ABCA1: variants seen among roughly 807,000 people sequenced by gnomAD.
ABCA1 encodes ATP binding cassette subfamily A member 1, also known as phospholipid-transporting ATPase ABCA1.
Under a neutral mutation model 262.5 loss-of-function variants are expected in ABCA1, and 133 were observed. The observed-to-expected ratio is 0.51, with a 90% CI of 0.44 to 0.59. The LOEUF is 0.59. Ranked by LOEUF, ABCA1 falls within the 20% of genes least tolerant of loss-of-function variation. The pLI, the probability that ABCA1 is intolerant of heterozygous loss-of-function variation, is 0.00. For missense variants in ABCA1, 2,452 were observed against 2,777.5 expected (o/e 0.88, Z 2.63); for synonymous variants, 1,022 against 1,043.5 (o/e 0.98, Z 0.40).
In ABCA1 at chr9:104,831,085, G is replaced by A; in HGVS notation, c.1732C>T (p.Pro578Ser). Residue 578 changes from proline to serine, a missense_variant, in exon 14 of 50, where the codon CCT (proline) becomes TCT (serine). Coordinates refer to ENST00000374736, the MANE Select transcript of ABCA1 (RefSeq NM_005502.4). ...KIKDGYWDPG[P>S]RADPFEDMRY... ...ATGTCCTCAAAGGGGTCAGCTCGAG[G>A]ACCAGGGTCCCAGTACCTAAAACCA... The A allele has an allele frequency of 6.2e-7, 1 of 1,608,320 alleles. No individual in the cohort carries two copies. The highest frequency in any genetic ancestry group is 2.3e-5 in the East Asian group (1 of 44,410).
intron 7 of ABCA1, among the ~76,000 whole-genome samples, chr9:104,851,680 C>A (rs190023429): frequency 6.6e-6 from 1 of 152,202 alleles, no homozygotes; most frequent in South Asian, 2.1e-4. Flanking sequence ...CTGCTCTATA[C>A]GGCAGCTGCT....
intron 1 of ABCA1, among the ~76,000 whole-genome samples, chr9:104,917,837 A>G (rs1841934826): frequency 6.6e-6 from 1 of 152,182 alleles, no homozygotes; most frequent in Admixed American, 6.5e-5. Context: ...ACAAAGTAAG[A>G]GAAGTCTCAT....
intron 39 of ABCA1, among the ~76,000 whole-genome samples, chr9:104,795,365 A>G (rs1325715147): frequency 6.6e-6 from 1 of 152,236 alleles, no homozygotes; most frequent in South Asian, 2.1e-4. Context: ...GACAAAGGCA[A>G]TGACAACCGG....
At chr9:104,904,670 C>T (rs777054058) in intron 1 of ABCA1, among the ~76,000 whole-genome samples, 2 of 152,062 alleles carry the variant, frequency 1.3e-5, no homozygotes, top group Non-Finnish European at 2.9e-5. Flanking sequence ...GCTACCGACA[C>T]CTGGCTCTCA....
chr9:104,803,943 T>C (rs370126565), intron 32 of ABCA1, among the ~76,000 whole-genome samples: 10 of 152,192 alleles, frequency 6.6e-5, no homozygotes, highest in African/African-American at 2.2e-4. Context: ...ATTTCAATTG[T>C]GGATGACATA....
At position 104,924,281 on chromosome 9, in the gene ABCA1, A is replaced by T. The variant is rs534094955; in HGVS notation, c.-93+3654T>A. Among the ~76,000 whole-genome samples the T allele has an allele frequency of 1.8e-3, 276 of 151,686 alleles. 1 individual carries two copies. The highest frequency in any genetic ancestry group is 6.5e-3 in the African/African-American group (267 of 41,220). On this transcript the variant is annotated intron_variant, in intron 1 of 49. Transcript: ENST00000374736. Reference sequence around the variant, plus strand: ...GTAAATGACCATAACAACTACTATAATGGTATTATTTATTTAATATCTGGA... The same window carrying T: ...GTAAATGACCATAACAACTACTATATTGGTATTATTTATTTAATATCTGGA...
chr9:104,902,027 T>C (rs1214077523), intron 2 of ABCA1, among the ~76,000 whole-genome samples: 1 of 152,204 alleles, frequency 6.6e-6, no homozygotes, highest in African/African-American at 2.4e-5. Context: ...TTCCAGTCCC[T>C]GTTCTCTCAC....
At chr9:104,811,038 G>A (rs566754370) in intron 28 of ABCA1, 114 bp from the exon 29 acceptor site, 131 of 1,481,506 alleles carry the variant, frequency 8.8e-5, no homozygotes, top group East Asian at 2.5e-4. Context: ...CAACCAGCAC[G>A]GCAATGAGGA....
intron 18 of ABCA1, 126 bp downstream of exon 18, chr9:104,824,339 T>C: frequency 6.5e-7 from 1 of 1,536,812 alleles, no homozygotes; most frequent in Non-Finnish European, 8.8e-7. Context: ...ACACTGCATG[T>C]GATTTCTCTG....
intron 25 of ABCA1, among the ~76,000 whole-genome samples, 161 bp downstream of exon 25, chr9:104,815,982 C>T (rs542935416): frequency 6.6e-6 from 1 of 152,326 alleles, no homozygotes; most frequent in South Asian, 2.1e-4. Flanking sequence ...TCTCCCACTA[C>T]CATCTTAAAT....
chr9:104,790,065 C>A (rs1829285827), intron 44 of ABCA1, among the ~76,000 whole-genome samples: 1 of 150,566 alleles, frequency 6.6e-6, no homozygotes, highest in African/African-American at 2.5e-5. Context: ...CATTGCTCTC[C>A]AGCCTGGGCA....
Position 104,786,354 on chromosome 9 carries a change from T to C in ABCA1, c.6345A>G (p.Ala2115=), listed in dbSNP as rs764354887. The change falls in exon 48 of 50, where the codon GCA becomes GCG. Residue 2115 remains alanine, a synonymous_variant. Coordinates refer to ENST00000374736, the MANE Select transcript of ABCA1 (RefSeq NM_005502.4). ...ACCTGAACCTTCCATTGACCATGAT[T>C]GCCATCCTAGTGCAAAGAGCTTCAC... ...EECEALCTRM[A]IMVNGRFRCL... is the part of the protein sequence containing the mutation. 1 of 1,614,016 alleles carries C rather than the reference T, an allele frequency of 6.2e-7. No homozygotes were observed. The highest frequency in any genetic ancestry group is 2.2e-5 in the East Asian group (1 of 44,884).
At chr9:104,875,731 C>A (rs569717182) in intron 5 of ABCA1, among the ~76,000 whole-genome samples, 96 of 152,252 alleles carry the variant, frequency 6.3e-4, no homozygotes, top group Admixed American at 2.2e-3. Context: ...CTAGTCCTCA[C>A]TGGAGAAGGC....
In ABCA1 at chr9:104,802,971, C is replaced by G. The variant is rs542660330; in HGVS notation, c.4592+313G>C. 3.3e-5 allele frequency among the ~76,000 whole-genome samples: 5 copies of G among 152,266 alleles called. No homozygotes were observed. The East Asian group carries it at 9.7e-4, about 29-fold the overall frequency. ...CCTCACAACACTACTTACTTGAAAT[C>G]CCTAGACACCTGCAGGAGATTTCTG... is the stretch of plus-strand genomic sequence containing the variant. On this transcript the variant is annotated intron_variant, in intron 33 of 49. Transcript: ENST00000374736.
In ABCA1 at chr9:104,824,484, G is replaced by A. The variant is rs1284414564; in HGVS notation, c.2637C>T (p.Asn879=). The part of the protein sequence containing the change: ...ESDEKSHPGS[N]QKRISEICME... ...ACTTACTTTCTGATATTCTCTTCTG[G>A]TTGGAACCAGGGTGGCTCTTCTCAT... The change falls in exon 18 of 50, where the codon AAC becomes AAT. Residue 879 remains asparagine, a synonymous_variant. Transcript: ENST00000374736. 1 of 1,614,172 alleles carries A rather than the reference G, an allele frequency of 6.2e-7. No homozygotes were observed. The highest frequency in any genetic ancestry group is 1.1e-5 in the South Asian group (1 of 91,088).
chr9:104,830,330 T>A (rs548022742), intron 14 of ABCA1, among the ~76,000 whole-genome samples: 4 of 152,374 alleles, frequency 2.6e-5, no homozygotes, highest in African/African-American at 9.6e-5. Context: ...CTTGCATGTG[T>A]TTGTCATGAC....
Position 104,861,717 on chromosome 9 carries a change from C to T in ABCA1, c.505G>A (p.Val169Met). The change falls in exon 6 of 50, where the codon GTG (valine) becomes ATG (methionine). Residue 169 changes from valine (V) to methionine (M), a missense_variant. By Grantham distance (21) the Val-to-Met change is conservative. Transcript: ENST00000374736. Reference protein sequence around the residue: ...YHNLSLPKSTVDKMLRADVIL... With the variant: ...YHNLSLPKSTMDKMLRADVIL... Reference sequence around the variant, plus strand: ...ACATCAGCCCTCAGCATCTTGTCCACAGTAGACTTTGGGAGAGAGAGGTTG... The same window carrying T: ...ACATCAGCCCTCAGCATCTTGTCCATAGTAGACTTTGGGAGAGAGAGGTTG... 1.9e-6 allele frequency: 3 copies of T among 1,613,976 alleles called. No homozygotes were observed. The highest frequency in any genetic ancestry group is 2.5e-6 in the Non-Finnish European group (3 of 1,180,004).
chr9:104,793,454 G>A (rs945566520), intron 40 of ABCA1, among the ~76,000 whole-genome samples, 154 bp from the exon 41 acceptor site: 3 of 152,050 alleles, frequency 2.0e-5, no homozygotes, highest in Non-Finnish European at 4.4e-5. Flanking sequence ...TAACAAGAGA[G>A]TGATCACTTT....
At chr9:104,813,982 C>A in intron 27 of ABCA1, 136 bp downstream of exon 27, 1 of 886,590 alleles carries the variant, frequency 1.1e-6, no homozygotes, top group Non-Finnish European at 1.8e-6. Flanking sequence ...TGGCTTTTAC[C>A]ATTTCCTCAC....
Sources: allele counts gnomAD v4.1 joint callset (sites outside exome capture counted in the v4.1 genomes callset), GRCh38; gene constraint gnomAD v4.1.1; transcripts MANE v1.5; gene names NCBI Gene and HGNC (gene_info 2026-07-23, HGNC 2026-07-21).